GPC5: variants seen among roughly 807,000 people sequenced by gnomAD.
GPC5 encodes glypican 5.
GPC5 carries 47 observed loss-of-function variants against 53.9 expected under a neutral mutation model. That is an observed-to-expected ratio of 0.87 (90% CI 0.69 to 1.11). The LOEUF (loss-of-function observed/expected upper bound fraction) is 1.11, where lower values mean the gene tolerates loss of function less well. Among genes scored for constraint, GPC5 ranks in the 50% most tolerant of loss-of-function variants. The probability of loss-of-function intolerance (pLI) is 0.00; values close to 1 mark genes in which losing one functional copy is unlikely to be tolerated. For missense variants in GPC5, 748 were observed against 713.1 expected, an observed-to-expected ratio of 1.05 and a Z score of -0.56; for synonymous variants, 286 against 263.3, an observed-to-expected ratio of 1.09 and a Z score of -0.84.
At chr13:91,750,954 G>T (rs1024453217) in intron 4 of GPC5, among the ~76,000 whole-genome samples, 1 of 144,366 alleles carries the variant, frequency 6.9e-6, no homozygotes, top group African/African-American at 2.7e-5. Flanking sequence ...GAGCCATTGC[G>T]CCTGGCCGGT....
chr13:92,752,817 T>A (rs1442470276), intron 7 of GPC5, among the ~76,000 whole-genome samples: 2 of 152,170 alleles, frequency 1.3e-5, no homozygotes, highest in Non-Finnish European at 2.9e-5. Context: ...GATTATATCC[T>A]GCACCTGGCT....
chr13:92,067,225 T>G (rs1437285353), intron 6 of GPC5, among the ~76,000 whole-genome samples: 1 of 152,018 alleles, frequency 6.6e-6, no homozygotes, highest in Non-Finnish European at 1.5e-5. Context: ...TTGTTGAGAG[T>G]GAAATTGCCC....
intron 7 of GPC5, among the ~76,000 whole-genome samples, chr13:92,539,723 C>A (rs1881869133): frequency 6.6e-6 from 1 of 151,788 alleles, no homozygotes; most frequent in African/African-American, 2.4e-5. Context: ...CTCCTTTGCC[C>A]CAGTATCTTG....
chr13:91,651,489 G>C (rs563633022), intron 2 of GPC5, among the ~76,000 whole-genome samples: 3 of 152,144 alleles, frequency 2.0e-5, no homozygotes, highest in Admixed American at 2.0e-4. Flanking sequence ...GGAGGCCAAG[G>C]CATGTGGATC....
chr13:92,382,957 C>T (rs1425208596), intron 7 of GPC5, among the ~76,000 whole-genome samples: 3 of 139,862 alleles, frequency 2.1e-5, no homozygotes, highest in African/African-American at 5.4e-5. Flanking sequence ...GAGCCGAGAT[C>T]GTGCCACTGC....
At chr13:92,565,679 T>C (rs1431952947) in intron 7 of GPC5, among the ~76,000 whole-genome samples, 2 of 152,108 alleles carry the variant, frequency 1.3e-5, no homozygotes, top group Non-Finnish European at 2.9e-5. Flanking sequence ...CATAAAAATA[T>C]GTATCTACAT....
chr13:91,759,844 A>G (rs1377023075), intron 5 of GPC5, among the ~76,000 whole-genome samples: 1 of 152,140 alleles, frequency 6.6e-6, no homozygotes. Context: ...AATGATGTCA[A>G]ATAATTAAAC....
At chr13:92,439,275 G>A (rs1877449203) in intron 7 of GPC5, among the ~76,000 whole-genome samples, 1 of 152,142 alleles carries the variant, frequency 6.6e-6, no homozygotes, top group Admixed American at 6.5e-5. Context: ...TCAGAATGGA[G>A]AGAGTAGTCA....
chr13:92,602,926 G>A (rs961969555), intron 7 of GPC5, among the ~76,000 whole-genome samples: 5 of 152,064 alleles, frequency 3.3e-5, no homozygotes, highest in African/African-American at 1.2e-4. Flanking sequence ...AAGGACATAG[G>A]TGCAAGTATC....
intron 7 of GPC5, among the ~76,000 whole-genome samples, chr13:92,753,111 G>C (rs1874663814): frequency 6.6e-6 from 1 of 152,194 alleles, no homozygotes; most frequent in Admixed American, 6.5e-5. Context: ...GAAGAGAGCA[G>C]TGGTTCTCCC....
chr13:91,776,479 A>T (rs2037712780), intron 5 of GPC5, among the ~76,000 whole-genome samples: 1 of 152,216 alleles, frequency 6.6e-6, no homozygotes, highest in South Asian at 2.1e-4. Context: ...GGCCACAGCT[A>T]AGTACTTTGT....
intron 7 of GPC5, among the ~76,000 whole-genome samples, chr13:92,553,299 A>G (rs1882383728): frequency 6.6e-6 from 1 of 151,948 alleles, no homozygotes; most frequent in African/African-American, 2.4e-5. Context: ...TTGTTCCCAA[A>G]ACTAATTTCT....
At chr13:92,081,761 A>G (rs2041297616) in intron 6 of GPC5, among the ~76,000 whole-genome samples, 1 of 152,204 alleles carries the variant, frequency 6.6e-6, no homozygotes, top group Non-Finnish European at 1.5e-5. Context: ...AGTATATAAG[A>G]GCCAAATTCC....
At chr13:91,562,718 C>T (rs2031341701) in intron 2 of GPC5, among the ~76,000 whole-genome samples, 1 of 151,158 alleles carries the variant, frequency 6.6e-6, no homozygotes, top group Non-Finnish European at 1.5e-5. Flanking sequence ...CACGCCTGGC[C>T]AAGGACCATT....
At chr13:92,381,100 C>T (rs560810441) in intron 7 of GPC5, among the ~76,000 whole-genome samples, 2 of 152,198 alleles carry the variant, frequency 1.3e-5, no homozygotes, top group South Asian at 4.1e-4. Context: ...TTAATGTGAA[C>T]ACAGGGTTAC....
intron 2 of GPC5, among the ~76,000 whole-genome samples, chr13:91,572,053 GTATA>G (rs1303154456): frequency 7.3e-6 from 1 of 137,314 alleles, no homozygotes; most frequent in Non-Finnish European, 1.6e-5. Context: ...ACACACATAT[GTATA>G]TATACATGTA....
chr13:92,244,645 C>CA (rs2042637311), intron 7 of GPC5, among the ~76,000 whole-genome samples: 1 of 152,236 alleles, frequency 6.6e-6, no homozygotes, highest in African/African-American at 2.4e-5. Flanking sequence ...TTTGTACTCC[C>CA]AAACCACTCA....
Position 91,911,843 on chromosome 13 carries a change from A to G in GPC5, c.1401+3786A>G, listed in dbSNP as rs573431858. On this transcript the variant is annotated intron_variant, in intron 6 of 7. Coordinates refer to ENST00000377067, the MANE Select transcript of GPC5 (RefSeq NM_004466.6). ...GATGATAGCAAGGTTTGGTGGGATG[A>G]TAGTGTCACTAAGTGTTAAAAGGAA... is the stretch of plus-strand genomic sequence containing the variant. Among the ~76,000 whole-genome samples the G allele has an allele frequency of 3.3e-5, 5 of 152,278 alleles. No individual in the cohort carries two copies. The South Asian group carries it at 1.0e-3, about 32-fold the overall frequency.
rs571030503 is a variant in GPC5, at chr13:91,724,206, G to A, written c.1021-4326G>A. On this transcript the variant is annotated intron_variant, in intron 3 of 7. Transcript: ENST00000377067. ...GAGTTATTTAATATAATGGAGCACAGCACATGTGTCCACAAACTACTTTGT... is the reference window on the plus strand; with the variant it reads ...GAGTTATTTAATATAATGGAGCACAACACATGTGTCCACAAACTACTTTGT... Among the ~76,000 whole-genome samples, 17 of 152,250 alleles carry A rather than the reference G, an allele frequency of 1.1e-4. No individual in the cohort carries two copies. The East Asian group carries it at 3.1e-3, about 28-fold the overall frequency.
Sources: gnomAD v4.1 joint callset for allele counts (sites outside exome capture counted in the v4.1 genomes callset) on GRCh38, gnomAD v4.1.1 for gene constraint, MANE v1.5 for transcripts, NCBI Gene and HGNC (gene_info 2026-07-23, HGNC 2026-07-21) for gene names.